The following RAPGEF6 variants were observed in gnomAD, a reference collection of about 807,000 sequenced individuals.
RAPGEF6 encodes PDZ domain containing guanine nucleotide exchange factor (GEF) 2.
RAPGEF6 carries 56 observed loss-of-function variants against 171.4 expected under a neutral mutation model. The ratio of observed to expected loss-of-function variants is 0.33; its 90% CI spans 0.26 to 0.41. RAPGEF6 has a LOEUF of 0.41. Among genes scored for constraint, RAPGEF6 ranks in the 10% least tolerant of loss-of-function variants. The pLI, the probability that RAPGEF6 is intolerant of heterozygous loss-of-function variation, is 1.00. For synonymous variants in RAPGEF6, 692 were observed against 650.1 expected (o/e 1.06, Z -0.98); for missense variants, 1,674 against 1,921.4 (o/e 0.87, Z 2.41).
intron 13 of RAPGEF6, 60 bp downstream of exon 13, chr5:131,495,493 T>C (rs1756580962): frequency 7.9e-7 from 1 of 1,270,956 alleles, no homozygotes; most frequent in African/African-American, 1.5e-5. Context: ...TGTTCTGAGT[T>C]TGCTAGTGTT....
At chr5:131,459,286 A>G (rs554639274) in intron 19 of RAPGEF6, among the ~76,000 whole-genome samples, 12 of 152,360 alleles carry the variant, frequency 7.9e-5, no homozygotes, top group African/African-American at 2.9e-4. Flanking sequence ...TCTTTATCTC[A>G]CTGTTTACAT....
chr5:131,433,468 G>C lies in RAPGEF6; in HGVS notation c.3936C>G (p.His1312Gln). The stretch of plus-strand genomic sequence containing the variant: ...GACTATGATCTCCTATCCCTGAAGC[G>C]TGCTCTGTCTTTTCCAATGCCCCAG... ...ESTGALEKTE[H>Q]ASGIGDHSQH... Residue 1312 changes from histidine to glutamine, a missense_variant, in exon 25 of 28, where the codon CAC becomes CAG. This residue lies in a region of RAPGEF6 where 552 missense variants were observed against 574.2 expected (regional missense o/e 0.96). Coordinates refer to ENST00000509018, the MANE Select transcript of RAPGEF6 (RefSeq NM_016340.6). The C allele has an allele frequency of 6.2e-7, 1 of 1,613,608 alleles. No homozygotes were observed. The highest frequency in any genetic ancestry group is 8.5e-7 in the Non-Finnish European group (1 of 1,179,538).
chr5:131,513,802 G>A (rs968640739), intron 7 of RAPGEF6, among the ~76,000 whole-genome samples: 3 of 152,206 alleles, frequency 2.0e-5, no homozygotes, highest in Admixed American at 1.3e-4. Context: ...GAGCCTAGGA[G>A]TTTGAGGCCA....
intron 1 of RAPGEF6, among the ~76,000 whole-genome samples, chr5:131,617,119 C>G (rs1408069056): frequency 6.6e-6 from 1 of 152,188 alleles, no homozygotes; most frequent in Non-Finnish European, 1.5e-5. Context: ...GCTGAGGAAT[C>G]TTCTACAAAT....
At chr5:131,606,174 G>A (rs1317787260) in intron 1 of RAPGEF6, among the ~76,000 whole-genome samples, 1 of 151,674 alleles carries the variant, frequency 6.6e-6, no homozygotes, top group Non-Finnish European at 1.5e-5. Context: ...ACCAGCCTGG[G>A]CAACATGGTG....
chr5:131,617,195 G>A (rs1354125220), intron 1 of RAPGEF6, among the ~76,000 whole-genome samples: 2 of 152,178 alleles, frequency 1.3e-5, no homozygotes, highest in Non-Finnish European at 2.9e-5. Flanking sequence ...TGCAGTCCCA[G>A]CTACTCAGGA....
intron 4 of RAPGEF6, among the ~76,000 whole-genome samples, chr5:131,573,162 A>C (rs1762406359): frequency 6.6e-6 from 1 of 151,902 alleles, no homozygotes; most frequent in Non-Finnish European, 1.5e-5. Context: ...GCCAGGCTGA[A>C]TCAGGTCCCA....
chr5:131,465,313 C>G (rs1010982590), intron 17 of RAPGEF6, among the ~76,000 whole-genome samples: 3 of 152,014 alleles, frequency 2.0e-5, no homozygotes, highest in Non-Finnish European at 4.4e-5. Context: ...ATTCCACCCC[C>G]CCTTGTTCTA....
intron 3 of RAPGEF6, among the ~76,000 whole-genome samples, chr5:131,593,282 T>G (rs1037725442): frequency 5.3e-5 from 8 of 152,364 alleles, no homozygotes; most frequent in African/African-American, 1.9e-4. Flanking sequence ...AACCTTTAGC[T>G]CCACAATGTT....
intron 1 of RAPGEF6, among the ~76,000 whole-genome samples, chr5:131,614,813 T>TC (rs1765167626): frequency 6.6e-6 from 1 of 152,254 alleles, no homozygotes; most frequent in Non-Finnish European, 1.5e-5. Flanking sequence ...GTTTTTCTAG[T>TC]ATCCCAAGCC....
intron 16 of RAPGEF6, among the ~76,000 whole-genome samples, chr5:131,478,755 A>C (rs920603889): frequency 2.0e-5 from 3 of 152,186 alleles, no homozygotes; most frequent in Non-Finnish European, 4.4e-5. Flanking sequence ...TTTTGTTCCT[A>C]TAACTATAAT....
chr5:131,528,268 A>G (rs1341588232), intron 6 of RAPGEF6, among the ~76,000 whole-genome samples: 36 of 127,448 alleles, frequency 2.8e-4, no homozygotes, highest in African/African-American at 3.4e-4. Context: ...AAAATAATAT[A>G]TTTATATTAT....
At chr5:131,438,252 GT>G (rs1309403340) in intron 24 of RAPGEF6, among the ~76,000 whole-genome samples, 2 of 152,184 alleles carry the variant, frequency 1.3e-5, no homozygotes, top group African/African-American at 4.8e-5. Context: ...GGCCTAGATG[GT>G]CTTTTTCCCA....
intron 24 of RAPGEF6, among the ~76,000 whole-genome samples, chr5:131,437,779 A>C (rs1426384790): frequency 6.6e-6 from 1 of 152,214 alleles, no homozygotes; most frequent in Non-Finnish European, 1.5e-5. Context: ...AGGATGAAAA[A>C]AGCAAGTGAG....
In RAPGEF6 at chr5:131,573,299, C is replaced by CG. The variant is rs1193227141; in HGVS notation, c.282-11253_282-11252insC. Among the ~76,000 whole-genome samples the CG allele has an allele frequency of 5.3e-5, 8 of 152,254 alleles. No homozygotes were observed. The East Asian group carries it at 1.5e-3, about 29-fold the overall frequency. On this transcript the variant is annotated intron_variant, in intron 4 of 27. Transcript: ENST00000509018. ...CTACCTGCCCAACAATTTCCTCTTACAGAGGTGGCTGGAGCTGAAGGCATA... is the reference window on the plus strand; with the variant it reads ...CTACCTGCCCAACAATTTCCTCTTACGAGAGGTGGCTGGAGCTGAAGGCATA...
intron 22 of RAPGEF6, among the ~76,000 whole-genome samples, chr5:131,443,589 T>G (rs1752513874): frequency 6.6e-6 from 1 of 152,206 alleles, no homozygotes; most frequent in Admixed American, 6.6e-5. Flanking sequence ...AAACCTTAAC[T>G]TGCCCCTGCT....
intron 1 of RAPGEF6, among the ~76,000 whole-genome samples, chr5:131,633,169 T>C (rs1397817890): frequency 6.6e-6 from 1 of 151,908 alleles, no homozygotes; most frequent in African/African-American, 2.4e-5. Context: ...CCGTCTCTAC[T>C]AAAAATACAA....
intron 6 of RAPGEF6, among the ~76,000 whole-genome samples, chr5:131,537,103 C>A (rs1759826424): frequency 1.3e-5 from 2 of 152,230 alleles, no homozygotes; most frequent in African/African-American, 4.8e-5. Context: ...TGTTATTCCC[C>A]TTCCAACTGG....
chr5:131,630,081 G>A (rs765063607), intron 1 of RAPGEF6, among the ~76,000 whole-genome samples: 4 of 152,196 alleles, frequency 2.6e-5, no homozygotes, highest in African/African-American at 4.8e-5. Context: ...ACATGCTAAA[G>A]AGAAATCTTT....
Sources: gnomAD v4.1 joint callset for allele counts (sites outside exome capture counted in the v4.1 genomes callset) on GRCh38, gnomAD v4.1.1 for gene constraint, gnomAD v4.1.1 regional missense constraint, MANE v1.5 for transcripts, NCBI Gene and HGNC (gene_info 2026-07-23, HGNC 2026-07-21) for gene names.